The following CNTNAP2 variants were observed in gnomAD, a reference collection of about 807,000 sequenced individuals.
CNTNAP2 encodes the protein contactin-associated protein-like 2.
A neutral mutation model predicts 155.2 loss-of-function variants in CNTNAP2; 98 were observed. The observed-to-expected ratio is 0.63, with a 90% confidence interval of 0.54 to 0.75. CNTNAP2 has a LOEUF of 0.75. Ranked by LOEUF, CNTNAP2 falls within the 30% of genes least tolerant of loss-of-function variation. CNTNAP2 has a pLI of 0.00. For synonymous variants in CNTNAP2, 651 were observed against 631.2 expected (o/e 1.03, Z -0.47); for missense variants, 1,727 against 1,688.1 (o/e 1.02, Z -0.40).
chr7:147,494,573 G>T (rs1208907052), intron 11 of CNTNAP2, among the ~76,000 whole-genome samples: 1 of 151,374 alleles, frequency 6.6e-6, no homozygotes, highest in African/African-American at 2.4e-5. Context: ...TAAAATGCCA[G>T]TGCTAGGTCT....
At chr7:147,240,499 C>T (rs552102615) in intron 8 of CNTNAP2, among the ~76,000 whole-genome samples, 16 of 152,310 alleles carry the variant, frequency 1.1e-4, no homozygotes, top group African/African-American at 3.1e-4. Flanking sequence ...AAGCTCCAGG[C>T]GTTTCACTTC....
chr7:146,328,051 A>G (rs1801124798), intron 1 of CNTNAP2, among the ~76,000 whole-genome samples: 1 of 152,192 alleles, frequency 6.6e-6, no homozygotes. Flanking sequence ...GTACTGGTCC[A>G]TGGCCTGTTA....
chr7:146,196,747 TA>T (rs1281373615), intron 1 of CNTNAP2, among the ~76,000 whole-genome samples: 1 of 152,106 alleles, frequency 6.6e-6, no homozygotes, highest in Non-Finnish European at 1.5e-5. Flanking sequence ...CTGTCAAATA[TA>T]AGTATATATT....
At chr7:146,120,137 C>T (rs1234786616) in intron 1 of CNTNAP2, among the ~76,000 whole-genome samples, 1 of 151,870 alleles carries the variant, frequency 6.6e-6, no homozygotes, top group Non-Finnish European at 1.5e-5. Context: ...TCTATTTTCT[C>T]TTCCTCAATT....
chr7:148,074,671 G>C (rs10261783), intron 15 of CNTNAP2, among the ~76,000 whole-genome samples: 1 of 149,528 alleles, frequency 6.7e-6, no homozygotes, highest in South Asian at 2.1e-4. Flanking sequence ...CGGGGCAAAA[G>C]AGCAAGACTG....
At chr7:147,344,757 T>C (rs979615724) in intron 9 of CNTNAP2, among the ~76,000 whole-genome samples, 34 of 152,294 alleles carry the variant, frequency 2.2e-4, no homozygotes, top group African/African-American at 8.2e-4. Flanking sequence ...TCTTTGATGT[T>C]ATTACTGTTA....
chr7:147,809,425 A>G (rs1284226278), intron 13 of CNTNAP2, among the ~76,000 whole-genome samples: 1 of 152,176 alleles, frequency 6.6e-6, no homozygotes, highest in Non-Finnish European at 1.5e-5. Context: ...CCTCCTTTTA[A>G]ATGAATATCA....
chr7:146,839,017 A>T (rs1205415292), intron 2 of CNTNAP2, among the ~76,000 whole-genome samples: 1 of 152,124 alleles, frequency 6.6e-6, no homozygotes, highest in Non-Finnish European at 1.5e-5. Flanking sequence ...TTTTCTAACA[A>T]ATGTTTTTAC....
chr7:148,027,159 T>C (rs6970083), intron 15 of CNTNAP2, among the ~76,000 whole-genome samples: 112,034 of 152,128 alleles, frequency 0.74, 41,841 homozygotes, highest in East Asian at 0.86. Context: ...TACGAACTAA[T>C]GAAAATATTG....
intron 8 of CNTNAP2, 72 bp from the exon 9 acceptor site, chr7:147,300,069 T>C (rs1794913766): frequency 3.4e-6 from 5 of 1,477,564 alleles, no homozygotes; most frequent in African/African-American, 1.4e-5. Context: ...AAATCGTGAT[T>C]TGTTGATTTT....
At chr7:146,946,508 T>C (rs964076352) in intron 3 of CNTNAP2, among the ~76,000 whole-genome samples, 2 of 152,152 alleles carry the variant, frequency 1.3e-5, no homozygotes, top group South Asian at 2.1e-4. Flanking sequence ...TTTAATAACA[T>C]TTTTTAGGTT....
chr7:147,293,813 A>T (rs1178632964), intron 8 of CNTNAP2, among the ~76,000 whole-genome samples: 2 of 152,222 alleles, frequency 1.3e-5, no homozygotes, highest in East Asian at 3.8e-4. Context: ...AAAACTTTTC[A>T]TTAATATTTT....
intron 16 of CNTNAP2, among the ~76,000 whole-genome samples, chr7:148,139,685 A>C (rs564352397): frequency 6.6e-6 from 1 of 151,926 alleles, no homozygotes; most frequent in Non-Finnish European, 1.5e-5. Flanking sequence ...GATTACAGGC[A>C]CCCTCTATCA....
intron 1 of CNTNAP2, among the ~76,000 whole-genome samples, chr7:146,325,536 T>C (rs1038339743): frequency 6.6e-6 from 1 of 152,038 alleles, no homozygotes; most frequent in African/African-American, 2.4e-5. Flanking sequence ...ATAATTTCTA[T>C]TTAGAATCTC....
intron 14 of CNTNAP2, among the ~76,000 whole-genome samples, chr7:147,939,455 A>C (rs2116812132): frequency 6.6e-6 from 1 of 152,088 alleles, no homozygotes; most frequent in African/African-American, 2.4e-5. Context: ...CAGCCTCCTG[A>C]GTAGCTGGGA....
At chr7:147,473,966 C>T (rs768654639) in intron 10 of CNTNAP2, among the ~76,000 whole-genome samples, 5 of 151,978 alleles carry the variant, frequency 3.3e-5, no homozygotes, top group Non-Finnish European at 5.9e-5. Flanking sequence ...GTAATCCCAG[C>T]TACTAGGGAG....
intron 15 of CNTNAP2, among the ~76,000 whole-genome samples, chr7:148,012,213 C>A (rs1432514853): frequency 6.6e-6 from 1 of 152,222 alleles, no homozygotes; most frequent in African/African-American, 2.4e-5. Context: ...AGCCATCATA[C>A]CCAACCCTTC....
chr7:147,469,400 C>T lies in CNTNAP2; in HGVS notation c.1671-16535C>T, dbSNP rs190364371. ...TCATTCAAAAAATATCAAGCATGTG[C>T]CAGGCACTGTATGCCAGTGAACAAA... On this transcript the variant is annotated intron_variant, in intron 10 of 23. Transcript: ENST00000361727. 5.3e-4 allele frequency among the ~76,000 whole-genome samples: 81 copies of T among 152,060 alleles called. No individual in the cohort carries two copies. The East Asian group carries it at 0.015, about 29-fold the overall frequency.
At chr7:146,702,445 T>C (rs1396598694) in intron 1 of CNTNAP2, among the ~76,000 whole-genome samples, 1 of 152,170 alleles carries the variant, frequency 6.6e-6, no homozygotes, top group Non-Finnish European at 1.5e-5. Flanking sequence ...TATCTAGAAA[T>C]GTTTTTAAAT....
Sources: allele counts gnomAD v4.1 joint callset (sites outside exome capture counted in the v4.1 genomes callset), GRCh38; gene constraint gnomAD v4.1.1; transcripts MANE v1.5; gene names NCBI Gene and HGNC (gene_info 2026-07-23, HGNC 2026-07-21).